Variants in HIGD1B observed in about 807,000 individuals in gnomAD.
The protein encoded by HIGD1B is HIG1 hypoxia inducible domain family member 1B, also known as HIG1 domain family member 1B.
In HIGD1B, 9 loss-of-function variants were observed where a neutral mutation model predicts 8.8. The observed-to-expected ratio is 1.02, with a 90% CI of 0.62 to 1.78. HIGD1B has a LOEUF of 1.78. Ranked by LOEUF, HIGD1B falls within the 40% of genes most tolerant of loss-of-function variation. The pLI, the probability that HIGD1B is intolerant of heterozygous loss-of-function variation, is 0.00. For synonymous variants in HIGD1B, 47 were observed against 38.8 expected (o/e 1.21, Z -0.78); for missense variants, 126 against 111.8 (o/e 1.13, Z -0.57).
intron 1 of HIGD1B, 87 bp downstream of exon 1, chr17:44,848,339 C>T (rs565814083): frequency 1.3e-6 from 1 of 753,896 alleles, no homozygotes; most frequent in East Asian, 2.5e-5. Context: ...AAGCAGAGGT[C>T]AGAAAACTCA....
chr17:44,849,072 C>T lies in HIGD1B; in HGVS notation c.101-182C>T, dbSNP rs536346734. ...ATTACAGGCGTGAGCCACCATGCCC[C>T]GGCAACAACTCAATATTCTAATGAT... On this transcript the variant is annotated intron_variant, in intron 1 of 2. Transcript: ENST00000253410. 1.0e-4 allele frequency: 61 copies of T among 608,650 alleles called. 1 individual carries two copies. Among genetic ancestry groups the T allele is most frequent in the Admixed American group, 5.2e-4 (16 of 30,958 alleles). The allele number at this position is 608,650 out of a possible 1,614,324, so 37.7% of individuals were successfully genotyped here.
At chr17:44,845,295 C>T (rs1473091809), upstream of HIGD1B, among the ~76,000 whole-genome samples, 1 of 150,546 alleles carries the variant, frequency 6.6e-6, no homozygotes, top group African/African-American at 2.4e-5. Context: ...ATACTGAGTA[C>T]AGAAGAGCCC....
upstream of HIGD1B, among the ~76,000 whole-genome samples, chr17:44,847,490 A>C (rs1402155500): frequency 6.6e-6 from 1 of 152,258 alleles, no homozygotes; most frequent in African/African-American, 2.4e-5. Context: ...CCAGGGATGA[A>C]GGTAGCCAGT....
rs927212305 is a variant in HIGD1B at position 44,849,015 on chromosome 17, T to G, written c.101-239T>G. The G allele has an allele frequency of 2.6e-5, 11 of 416,670 alleles. No homozygotes were observed. In the Admixed American group the frequency reaches 3.4e-4, roughly 13 times the overall value. The allele number at this position is 416,670 out of a possible 1,614,324, so 25.8% of individuals were successfully genotyped here. On this transcript the variant is annotated intron_variant, in intron 1 of 2. Coordinates refer to ENST00000253410, the MANE Select transcript of HIGD1B (RefSeq NM_016438.4). ...GTCTCAAACTCCCAACTTCAGGTGATCCACCTGCCTCAGTCTCCCAAAAGT... is the reference window on the plus strand; with the variant it reads ...GTCTCAAACTCCCAACTTCAGGTGAGCCACCTGCCTCAGTCTCCCAAAAGT...
chr17:44,849,171 C>T, intron 1 of HIGD1B, 83 bp from the exon 2 acceptor site: 1 of 1,538,708 alleles, frequency 6.5e-7, no homozygotes, highest in Non-Finnish European at 8.8e-7. Flanking sequence ...TCCAGATGCC[C>T]AGCCTGCCTG....
upstream of HIGD1B, among the ~76,000 whole-genome samples, chr17:44,845,790 G>A (rs1308680352): frequency 6.6e-6 from 1 of 152,036 alleles, no homozygotes; most frequent in African/African-American, 2.4e-5. Context: ...AAATTAGCTG[G>A]GTATGGTGGC....
chr17:44,847,382 G>A (rs1447176762), upstream of HIGD1B, among the ~76,000 whole-genome samples: 7 of 152,214 alleles, frequency 4.6e-5, no homozygotes, highest in African/African-American at 1.2e-4. Flanking sequence ...GCAGTGAGCC[G>A]AGATTGCGCC....
At chr17:44,846,779 T>C (rs965903865), upstream of HIGD1B, among the ~76,000 whole-genome samples, 2 of 142,864 alleles carry the variant, frequency 1.4e-5, no homozygotes, top group East Asian at 2.1e-4. Context: ...AGTGAGACCC[T>C]GCCTAAAAAA....
chr17:44,850,397 G>C lies in HIGD1B; in HGVS notation c.*1G>C. On this transcript the variant is annotated 3_prime_UTR_variant, in exon 3 of 3. Transcript: ENST00000253410. ...GGCACAGGATGCTGGAGAGAAGTAG[G>C]ACTCCTATAGGAGCCGGGGCTGTCC... is the stretch of plus-strand genomic sequence containing the variant. 1 of 1,610,836 alleles carries C rather than the reference G, an allele frequency of 6.2e-7. No homozygotes were observed. The highest frequency in any genetic ancestry group is 8.5e-7 in the Non-Finnish European group (1 of 1,177,764).
At position 44,848,921 on chromosome 17, in the gene HIGD1B, A is replaced by C. The variant is rs142618108; in HGVS notation, c.101-333A>C. Among the ~76,000 whole-genome samples, 362 of 152,156 alleles carry C rather than the reference A, an allele frequency of 2.4e-3. 1 individual carries two copies. The highest frequency in any genetic ancestry group is 8.0e-3 in the African/African-American group (333 of 41,492). On this transcript the variant is annotated intron_variant, in intron 1 of 2. Transcript: ENST00000253410. ...CTCCTGAGTAGTTGGGATTATAGGC[A>C]TGCACCACCACGCCCGGCTAATTTT...
upstream of HIGD1B, among the ~76,000 whole-genome samples, chr17:44,845,583 T>C (rs2050315798): frequency 6.6e-6 from 1 of 151,744 alleles, no homozygotes; most frequent in African/African-American, 2.4e-5. Context: ...TGAGCCAAGA[T>C]CACACAGCCT....
rs1252829895 is a variant in HIGD1B at position 44,850,459 on chromosome 17, A to G, written c.*63A>G. On this transcript the variant is annotated 3_prime_UTR_variant, in exon 3 of 3. Coordinates refer to ENST00000253410, the MANE Select transcript of HIGD1B (RefSeq NM_016438.4). ...CTCAATCCCTGGTACATTCCTAATA[A>G]AGCAGTTTTGAGGAAAATCAACAGA... is the stretch of plus-strand genomic sequence containing the variant. The G allele has an allele frequency of 7.8e-7, 1 of 1,280,286 alleles. No individual in the cohort carries two copies. Among genetic ancestry groups the G allele is most frequent in the African/African-American group, 1.5e-5 (1 of 68,726 alleles). 79.3% of individuals were successfully genotyped at this position (1,280,286 alleles called of 1,614,324 possible). A position where few individuals can be genotyped will look rare whatever the true frequency, so the allele number is the denominator to read the frequency against.
At position 44,849,254 on chromosome 17, in the gene HIGD1B, G is replaced by A. The variant is rs754374284; in HGVS notation, c.101G>A (p.Gly34Asp). Residue 34 changes from glycine (G) to aspartate (D), a missense_variant and splice_region_variant, in exon 2 of 3, where the codon GGC becomes GAC. By Grantham distance (94) the Gly-to-Asp change is moderately conservative (BLOSUM62 -1). Coordinates refer to ENST00000253410, the MANE Select transcript of HIGD1B (RefSeq NM_016438.4). ...KTRESPLVPI[G>D]LGGCLVVAAY... is the part of the protein sequence containing the mutation. ...CAGGGGCTGTGTTCTCTGCCCACAG[G>A]CTTAGGAGGCTGCTTGGTGGTAGCA... 6.2e-7 allele frequency: 1 copy of A among 1,614,008 alleles called. No individual in the cohort carries two copies. The highest frequency in any genetic ancestry group is 8.5e-7 in the Non-Finnish European group (1 of 1,179,954).
upstream of HIGD1B, chr17:44,847,861 G>A (rs755015489): frequency 3.6e-4 from 107 of 294,190 alleles, no homozygotes; most frequent in Admixed American, 1.7e-3. Context: ...ATGCAGATGG[G>A]GGAAGGGGAA....
upstream of HIGD1B, chr17:44,846,484 G>C (rs1340195046): frequency 6.6e-6 from 1 of 152,274 alleles, no homozygotes; most frequent in Non-Finnish European, 1.5e-5. Context: ...CTCCAGGAGA[G>C]GAGGGCTAAC....
rs1201138286 is a variant in HIGD1B at position 44,847,926 on chromosome 17, TGGAGAC to T, written c.-221_-216del. On this transcript the variant is annotated 5_prime_UTR_variant, in exon 1 of 3. Transcript: ENST00000253410. ...TGGGGAAGAGGCAGATGGTAGGAAA[TGGAGAC>T]GGAGAAATGGCACTAATGGCCCAGC... The T allele has an allele frequency of 1.4e-5, 6 of 443,624 alleles. No homozygotes were observed. In the East Asian group the frequency reaches 1.6e-4, roughly 12 times the overall value. The allele number at this position is 443,624 out of a possible 1,614,324, so 27.5% of individuals were successfully genotyped here.
chr17:44,848,404 C>T (rs927155349), intron 1 of HIGD1B, 152 bp downstream of exon 1: 2 of 606,632 alleles, frequency 3.3e-6, no homozygotes, highest in African/African-American at 3.7e-5. Context: ...AAGGGGCAAA[C>T]CCTTACAATG....
rs760585588 is a variant in HIGD1B at position 44,849,126 on chromosome 17, C to G, written c.101-128C>G. 13 of 1,152,880 alleles carry G rather than the reference C, an allele frequency of 1.1e-5. No individual in the cohort carries two copies. The Admixed American group carries it at 2.7e-4, about 24-fold the overall frequency. The allele number at this position is 1,152,880 out of a possible 1,614,324, so 71.4% of individuals were successfully genotyped here. On this transcript the variant is annotated intron_variant, in intron 1 of 2. Transcript: ENST00000253410. ...CCTAGGTCCCCCGCAACGCCCACCC[C>G]CCGCCACCAGATGCTGCATAAAACC...
In HIGD1B at chr17:44,849,343, A is replaced by C; in HGVS notation, c.190A>C (p.Thr64Pro). Residue 64 changes from threonine to proline, a missense_variant, in exon 2 of 3, where the codon ACC becomes CCC. Coordinates refer to ENST00000253410, the MANE Select transcript of HIGD1B (RefSeq NM_016438.4). The stretch of plus-strand genomic sequence containing the variant: ...CAAGATGTCCATACACCTGATTCAC[A>C]CCCGAGTGGCAGCGCAGGCCTGTGC... ...STKMSIHLIHTRVAAQACAVG... is the reference protein window; with the variant it reads ...STKMSIHLIHPRVAAQACAVG... 2 of 1,614,002 alleles carry C rather than the reference A, an allele frequency of 1.2e-6. No homozygotes were observed. The highest frequency in any genetic ancestry group is 2.2e-5 in the South Asian group (2 of 91,072).
Sources: gnomAD v4.1 joint callset for allele counts (sites outside exome capture counted in the v4.1 genomes callset) on GRCh38, gnomAD v4.1.1 for gene constraint, MANE v1.5 for transcripts, NCBI Gene and HGNC (gene_info 2026-07-23, HGNC 2026-07-21) for gene names.